The following ESRRG variants were observed in gnomAD, a reference collection of about 807,000 sequenced individuals.
ESRRG encodes the protein estrogen-related receptor gamma.
ESRRG carries 13 observed loss-of-function variants against 44.0 expected under a neutral mutation model. That is an observed-to-expected ratio of 0.30 (90% CI 0.19 to 0.47). ESRRG has a LOEUF of 0.47. Among genes scored for constraint, ESRRG ranks in the 20% least tolerant of loss-of-function variants. ESRRG has a pLI of 1.00. For missense variants in ESRRG, 395 were observed against 580.6 expected (o/e 0.68, Z 3.29); for synonymous variants, 215 against 214.6 (o/e 1.00, Z -0.02).
chr1:216,544,554 G>T (rs1394650244), intron 5 of ESRRG, among the ~76,000 whole-genome samples: 1 of 151,934 alleles, frequency 6.6e-6, no homozygotes, highest in East Asian at 1.9e-4. Flanking sequence ...ATTTTTTCAT[G>T]CAGGCTCCCT....
chr1:216,681,085 CAT>C (rs1476395502), intron 1 of ESRRG, among the ~76,000 whole-genome samples: 3 of 152,010 alleles, frequency 2.0e-5, no homozygotes, highest in East Asian at 1.9e-4. Flanking sequence ...ATAGAAATAA[CAT>C]GTGTCGAAAT....
rs79732700 is a variant in ESRRG at position 216,775,398 on chromosome 1, G to A, written c.-13-97907C>T. ...CAAGTGGCCTAATGTATGAAATGAC[G>A]TGACTGTTCAATAAGCACCTCAAAA... is the stretch of plus-strand genomic sequence containing the variant. On this transcript the variant is annotated intron_variant, in intron 2 of 7. Transcript: ENST00000359162. 9.0e-4 allele frequency among the ~76,000 whole-genome samples: 136 copies of A among 151,918 alleles called. 5 individuals carry two copies. In the East Asian group the frequency reaches 0.021, roughly 23 times the overall value.
chr1:217,053,153 A>C (rs1056501309), intron 1 of ESRRG, among the ~76,000 whole-genome samples: 7 of 141,704 alleles, frequency 4.9e-5, no homozygotes, highest in Middle Eastern at 7.2e-3. Flanking sequence ...AAAAAAAAAA[A>C]CAGAAAGAAA....
At chr1:216,727,923 G>A (rs1031325334), upstream of ESRRG, among the ~76,000 whole-genome samples, 1 of 152,102 alleles carries the variant, frequency 6.6e-6, no homozygotes, top group Admixed American at 6.5e-5. Context: ...ATCAGAGAAA[G>A]ACAGAAACTA....
At chr1:216,723,165 T>G in intron 1 of ESRRG, 79 bp downstream of exon 1, 2 of 1,170,946 alleles carry the variant, frequency 1.7e-6, no homozygotes, top group East Asian at 4.7e-5. Context: ...CCTGAATCAG[T>G]GTGTAAAGAT....
chr1:217,095,461 G>A (rs957125666), intron 1 of ESRRG, among the ~76,000 whole-genome samples: 1 of 152,214 alleles, frequency 6.6e-6, no homozygotes, highest in Non-Finnish European at 1.5e-5. Context: ...GTTTCAGAAA[G>A]CGCAGTTAGG....
chr1:216,827,243 T>G (rs1016877162), intron 2 of ESRRG, among the ~76,000 whole-genome samples: 1 of 152,246 alleles, frequency 6.6e-6, no homozygotes, highest in Non-Finnish European at 1.5e-5. Context: ...AACAGTGATA[T>G]ACTGATCTGA....
At chr1:217,000,672 A>T (rs562442249) in intron 1 of ESRRG, 21 of 152,296 alleles carry the variant, frequency 1.4e-4, no homozygotes, top group South Asian at 1.2e-3. Context: ...TTAAGCTCAG[A>T]TGTCTCCTTG....
chr1:216,646,733 G>A (rs1440381232), intron 3 of ESRRG, among the ~76,000 whole-genome samples: 1 of 152,096 alleles, frequency 6.6e-6, no homozygotes, highest in Admixed American at 6.6e-5. Context: ...GACAAAATAG[G>A]AGATTAGAAA....
intron 3 of ESRRG, among the ~76,000 whole-genome samples, chr1:216,577,811 C>A (rs901036096): frequency 6.6e-6 from 1 of 151,768 alleles, no homozygotes; most frequent in Non-Finnish European, 1.5e-5. Context: ...GAGAAAGGTG[C>A]CATATGAGCC....
At chr1:216,546,639 A>C (rs918527673) in intron 5 of ESRRG, among the ~76,000 whole-genome samples, 3 of 152,032 alleles carry the variant, frequency 2.0e-5, no homozygotes, top group African/African-American at 4.8e-5. Context: ...TGTATCAATG[A>C]AATCTACATT....
At chr1:217,078,439 G>T (rs1488601365) in intron 1 of ESRRG, 1 of 152,298 alleles carries the variant, frequency 6.6e-6, no homozygotes, top group Non-Finnish European at 1.5e-5. Context: ...TCACATTTCA[G>T]CAGAGCTGGT....
intron 1 of ESRRG, among the ~76,000 whole-genome samples, chr1:216,968,177 A>C (rs1399751605): frequency 6.6e-6 from 1 of 152,110 alleles, no homozygotes; most frequent in Non-Finnish European, 1.5e-5. Context: ...GTTTTCTCCC[A>C]GTCTTTGGCT....
At chr1:217,084,763 T>C (rs2091975315) in intron 1 of ESRRG, among the ~76,000 whole-genome samples, 1 of 152,128 alleles carries the variant, frequency 6.6e-6, no homozygotes, top group Admixed American at 6.6e-5. Context: ...GAAACAGCCA[T>C]ATAAATAAAT....
At chr1:217,128,772 T>TG (rs1329618938) in intron 1 of ESRRG, among the ~76,000 whole-genome samples, 1 of 152,210 alleles carries the variant, frequency 6.6e-6, no homozygotes, top group Non-Finnish European at 1.5e-5. Flanking sequence ...TAAAGTTGAT[T>TG]GGGCATTAAA....
chr1:216,811,681 C>T (rs995408913), intron 2 of ESRRG, among the ~76,000 whole-genome samples: 1 of 152,018 alleles, frequency 6.6e-6, no homozygotes, highest in South Asian at 2.1e-4. Context: ...TACCGGAGAA[C>T]ATCAGGCAAA....
chr1:216,664,692 G>GAAA (rs71163758), intron 2 of ESRRG, among the ~76,000 whole-genome samples: 1,835 of 133,724 alleles, frequency 0.014, 16 homozygotes, highest in Non-Finnish European at 0.019. Flanking sequence ...TGCTACTGAA[G>GAAA]AAAAAAAAAA....
intron 1 of ESRRG, among the ~76,000 whole-genome samples, chr1:216,678,666 C>T (rs1392150197): frequency 6.6e-6 from 1 of 152,056 alleles, no homozygotes; most frequent in East Asian, 1.9e-4. Flanking sequence ...TTCATTTAGC[C>T]ATTGTGCAAA....
chr1:216,612,836 T>C (rs1375134681), intron 3 of ESRRG, among the ~76,000 whole-genome samples: 3 of 152,240 alleles, frequency 2.0e-5, no homozygotes, highest in Admixed American at 2.0e-4. Context: ...GAGACACCTT[T>C]ATGTTTCCTA....
Sources: allele counts gnomAD v4.1 joint callset (sites outside exome capture counted in the v4.1 genomes callset), GRCh38; gene constraint gnomAD v4.1.1; transcripts MANE v1.5; gene names NCBI Gene and HGNC (gene_info 2026-07-23, HGNC 2026-07-21).